COL25A1: variants seen among roughly 807,000 people sequenced by gnomAD.
COL25A1 encodes the protein collagen type XXV alpha 1 chain, also known as collagen alpha-1(XXV) chain.
A neutral mutation model predicts 128.4 loss-of-function variants in COL25A1; 103 were observed. That is an observed-to-expected ratio of 0.80 (90% CI 0.68 to 0.94). The LOEUF (loss-of-function observed/expected upper bound fraction) is 0.94. Ranked by LOEUF, COL25A1 falls within the 40% of genes least tolerant of loss-of-function variation. The pLI is 0.00. For synonymous variants in COL25A1, 279 were observed against 277.2 expected, an observed-to-expected ratio of 1.01 and a Z score of -0.06; for missense variants, 745 against 840.0, an observed-to-expected ratio of 0.89 and a Z score of 1.40.
chr4:109,123,109 T>A (rs1414019979), intron 3 of COL25A1, among the ~76,000 whole-genome samples: 1 of 152,054 alleles, frequency 6.6e-6, no homozygotes, highest in African/African-American at 2.4e-5. Flanking sequence ...GGATTTGAAA[T>A]TTCTTCCCAA....
At chr4:109,082,292 C>T (rs996931155) in intron 3 of COL25A1, among the ~76,000 whole-genome samples, 29 of 152,148 alleles carry the variant, frequency 1.9e-4, no homozygotes, top group Non-Finnish European at 1.5e-5. Context: ...TTTGCATAGA[C>T]ATATGTTTTC....
Position 109,194,375 on chromosome 4 carries a change from A to C in COL25A1, c.367+106208T>G, listed in dbSNP as rs189361568. ...CATAAGTGCCCAGAAAAACTTTACA[A>C]ATCTATTAGCCTGTTATCTCAATTG... On this transcript the variant is annotated intron_variant, in intron 3 of 37. Coordinates refer to ENST00000399132, the MANE Select transcript of COL25A1 (RefSeq NM_198721.4). Among the ~76,000 whole-genome samples the C allele has an allele frequency of 2.3e-3, 345 of 152,286 alleles. 1 individual carries two copies. Among genetic ancestry groups the C allele is most frequent in the African/African-American group, 7.6e-3 (317 of 41,574 alleles).
intron 11 of COL25A1, among the ~76,000 whole-genome samples, chr4:108,927,235 T>C (rs779105125): frequency 7.2e-5 from 11 of 152,300 alleles, no homozygotes; most frequent in Non-Finnish European, 1.6e-4. Context: ...TTTTCCTTTG[T>C]GTTTCTTTAG....
intron 3 of COL25A1, among the ~76,000 whole-genome samples, chr4:109,105,280 C>G (rs7695857): frequency 0.23 from 35,517 of 152,042 alleles, 5,401 homozygotes; most frequent in African/African-American, 0.41. Flanking sequence ...TCGAGACCAG[C>G]CTGGCCAACA....
intron 3 of COL25A1, among the ~76,000 whole-genome samples, chr4:109,077,869 C>T (rs140193926): frequency 1.3e-3 from 204 of 152,306 alleles, no homozygotes; most frequent in African/African-American, 4.5e-3. Context: ...TCTCCCTACT[C>T]GCTGCTTTTT....
At chr4:108,963,664 G>A (rs1040871526) in intron 8 of COL25A1, among the ~76,000 whole-genome samples, 4 of 151,886 alleles carry the variant, frequency 2.6e-5, no homozygotes, top group Admixed American at 6.6e-5. Context: ...AAAACCTTCC[G>A]TATAGTTTCA....
In COL25A1 at chr4:109,081,998, C is replaced by T. The variant is rs573922812; in HGVS notation, c.368-31819G>A. On this transcript the variant is annotated intron_variant, in intron 3 of 37. Coordinates refer to ENST00000399132, the MANE Select transcript of COL25A1 (RefSeq NM_198721.4). ...GGGATTACAGGTGTGAGCCACCGCG[C>T]GTAGCCCACTAATCTCTTTTCTATC... is the stretch of plus-strand genomic sequence containing the variant. Among the ~76,000 whole-genome samples the T allele has an allele frequency of 1.0e-3, 157 of 152,280 alleles. 1 individual carries two copies. Among genetic ancestry groups the T allele is most frequent in the Admixed American group, 5.6e-3 (85 of 15,300 alleles).
chr4:109,083,448 A>ATTTTTT lies in COL25A1; in HGVS notation c.368-33275_368-33270dup, dbSNP rs60165291. Reference sequence around the variant, plus strand: ...CACCAATAACTTTTACACTAAATAAATTTTTTTTTTTTTTTTTTTTTTTTT... The same window carrying ATTTTTT: ...CACCAATAACTTTTACACTAAATAAATTTTTTTTTTTTTTTTTTTTTTTTTTTTTTT... On this transcript the variant is annotated intron_variant, in intron 3 of 37. Coordinates refer to ENST00000399132, the MANE Select transcript of COL25A1 (RefSeq NM_198721.4). 8.6e-3 allele frequency among the ~76,000 whole-genome samples: 662 copies of ATTTTTT among 77,076 alleles called. 53 individuals are homozygous for ATTTTTT. The highest frequency in any genetic ancestry group is 0.023 in the South Asian group (43 of 1,894). The allele number at this position is 77,076 out of a possible 152,430, so 50.6% of individuals were successfully genotyped here.
chr4:109,110,243 T>G (rs528730127), intron 3 of COL25A1, among the ~76,000 whole-genome samples: 1 of 152,318 alleles, frequency 6.6e-6, no homozygotes, highest in Admixed American at 6.5e-5. Context: ...GTCAGTGATT[T>G]GTGATCTGTA....
chr4:108,844,560 G>A lies in COL25A1; in HGVS notation c.1588C>T (p.Pro530Ser), dbSNP rs1734858132. Reference protein sequence around the residue: ...PGPQGPSIIGPPGPPGPHGPP... With the variant: ...PGPQGPSIIGSPGPPGPHGPP... ...CCATGGGGACCTGGTGGGCCTGGTG[G>A]GCCTATGATCTGTATGTCCAAAAAA... Residue 530 changes from proline to serine, a missense_variant, in exon 30 of 38, where the codon CCA becomes TCA. This residue lies in a region of COL25A1 where 387 missense variants were observed against 441.9 expected (regional missense o/e 0.88). Coordinates refer to ENST00000399132, the MANE Select transcript of COL25A1 (RefSeq NM_198721.4). 1 of 1,613,316 alleles carries A rather than the reference G, an allele frequency of 6.2e-7. No individual in the cohort carries two copies. The highest frequency in any genetic ancestry group is 8.5e-7 in the Non-Finnish European group (1 of 1,179,784).
At chr4:108,822,147 G>A (rs748144573) in intron 35 of COL25A1, among the ~76,000 whole-genome samples, 2 of 147,098 alleles carry the variant, frequency 1.4e-5, no homozygotes, top group Non-Finnish European at 3.0e-5. Flanking sequence ...GGGTTCAAGC[G>A]ATTCTCCTGC....
chr4:109,247,124 G>T (rs922679025), intron 3 of COL25A1, among the ~76,000 whole-genome samples: 1 of 152,202 alleles, frequency 6.6e-6, no homozygotes, highest in Non-Finnish European at 1.5e-5. Flanking sequence ...AGCACTTTGG[G>T]AGGCCGAGGC....
intron 13 of COL25A1, among the ~76,000 whole-genome samples, chr4:108,905,124 T>G (rs1743321431): frequency 6.6e-6 from 1 of 152,104 alleles, no homozygotes; most frequent in African/African-American, 2.4e-5. Flanking sequence ...TAGTCTTCCT[T>G]TCTGGAAATT....
chr4:109,178,692 A>T (rs1774330370), intron 3 of COL25A1, among the ~76,000 whole-genome samples: 1 of 151,852 alleles, frequency 6.6e-6, no homozygotes, highest in South Asian at 2.1e-4. Flanking sequence ...AAAATTAGCC[A>T]GGTGTGGTGG....
chr4:109,048,072 A>G (rs1158718015), intron 5 of COL25A1, 96 bp downstream of exon 5: 3 of 1,344,544 alleles, frequency 2.2e-6, no homozygotes, highest in Non-Finnish European at 3.2e-6. Flanking sequence ...CATTTTTCTA[A>G]TAGACATAGA....
chr4:109,062,220 T>G (rs1762045165), intron 3 of COL25A1, among the ~76,000 whole-genome samples: 1 of 152,176 alleles, frequency 6.6e-6, no homozygotes, highest in African/African-American at 2.4e-5. Flanking sequence ...CTTGATCAAG[T>G]AGACCAAGAG....
intron 3 of COL25A1, among the ~76,000 whole-genome samples, chr4:109,091,995 T>C (rs1434147813): frequency 6.6e-6 from 1 of 152,120 alleles, no homozygotes; most frequent in Non-Finnish European, 1.5e-5. Context: ...TCAGGAGCAA[T>C]GGATGACAGC....
In COL25A1 at chr4:108,813,906, A is replaced by G. The variant is rs746239873; in HGVS notation, c.*21T>C. On this transcript the variant is annotated 3_prime_UTR_variant, in exon 38 of 38. Coordinates refer to ENST00000399132, the MANE Select transcript of COL25A1 (RefSeq NM_198721.4). ...AATGGACCCTTATATACACAACTTC[A>G]TGCTTGAAAGGTTAGATTCATCACT... is the stretch of plus-strand genomic sequence containing the variant. 6.3e-7 allele frequency: 1 copy of G among 1,587,326 alleles called. No homozygotes were observed. Among genetic ancestry groups the G allele is most frequent in the Non-Finnish European group, 8.6e-7 (1 of 1,158,060 alleles).
intron 24 of COL25A1, among the ~76,000 whole-genome samples, chr4:108,855,033 C>T (rs1736311763): frequency 6.6e-6 from 1 of 151,980 alleles, no homozygotes; most frequent in Non-Finnish European, 1.5e-5. Context: ...GGGTTGATAA[C>T]CACTTTATGA....
Sources: allele counts gnomAD v4.1 joint callset (sites outside exome capture counted in the v4.1 genomes callset), GRCh38; gene constraint gnomAD v4.1.1; regional missense constraint gnomAD v4.1.1; transcripts MANE v1.5; gene names NCBI Gene and HGNC (gene_info 2026-07-23, HGNC 2026-07-21).